Variants in SENP6 observed in about 807,000 individuals in gnomAD.
SENP6 encodes sentrin-specific protease 6.
In SENP6, 41 loss-of-function variants were observed where a neutral mutation model predicts 134.5. The observed-to-expected ratio is 0.30, with a 90% CI of 0.24 to 0.40. SENP6 has a LOEUF of 0.40. Ranked by LOEUF, SENP6 falls within the 10% of genes least tolerant of loss-of-function variation. The pLI, the probability that SENP6 is intolerant of heterozygous loss-of-function variation, is 1.00. For synonymous variants in SENP6, 395 were observed against 429.8 expected (o/e 0.92, Z 1.00); for missense variants, 1,248 against 1,312.5 (o/e 0.95, Z 0.76).
At chr6:75,697,348 T>G in intron 17 of SENP6, 77 bp from the exon 18 acceptor site, 1 of 1,030,562 alleles carries the variant, frequency 9.7e-7, no homozygotes, top group East Asian at 2.5e-5. Context: ...CTGAATCTTC[T>G]TAATTTATAA....
chr6:75,605,195 A>G (rs1456010049), intron 1 of SENP6, among the ~76,000 whole-genome samples: 1 of 152,246 alleles, frequency 6.6e-6, no homozygotes, highest in East Asian at 1.9e-4. Flanking sequence ...TCTACATATT[A>G]CACTTTCTTT....
intron 20 of SENP6, among the ~76,000 whole-genome samples, chr6:75,710,119 G>A (rs1270861776): frequency 6.6e-6 from 1 of 152,016 alleles, no homozygotes; most frequent in Non-Finnish European, 1.5e-5. Context: ...AGAAGCAAAT[G>A]TTTAAACCTT....
chr6:75,671,361 A>G (rs954047061), intron 11 of SENP6, among the ~76,000 whole-genome samples: 1 of 152,172 alleles, frequency 6.6e-6, no homozygotes, highest in Non-Finnish European at 1.5e-5. Context: ...CCTTAACTTG[A>G]TGTCCCTATT....
intron 7 of SENP6, among the ~76,000 whole-genome samples, chr6:75,652,729 A>G (rs1770996092): frequency 6.7e-6 from 1 of 148,984 alleles, no homozygotes; most frequent in Non-Finnish European, 1.5e-5. Context: ...TGCCTTGTGT[A>G]AAGATGGTTA....
chr6:75,610,055 T>C (rs1399609149), intron 1 of SENP6, among the ~76,000 whole-genome samples: 1 of 152,206 alleles, frequency 6.6e-6, no homozygotes, highest in Non-Finnish European at 1.5e-5. Flanking sequence ...CCCAGAGTGC[T>C]GGGATTAGAA....
At chr6:75,641,886 A>C (rs1770056150) in intron 6 of SENP6, among the ~76,000 whole-genome samples, 1 of 151,610 alleles carries the variant, frequency 6.6e-6, no homozygotes, top group African/African-American at 2.4e-5. Flanking sequence ...GCTATTTTTA[A>C]TTTCCAACCA....
chr6:75,617,015 A>G (rs1767900747), intron 1 of SENP6, among the ~76,000 whole-genome samples: 1 of 151,782 alleles, frequency 6.6e-6, no homozygotes, highest in African/African-American at 2.4e-5. Context: ...AGCTGGTACT[A>G]CAGGCACGCA....
chr6:75,602,642 C>T, intron 1 of SENP6, 66 bp downstream of exon 1: 1 of 1,481,020 alleles, frequency 6.8e-7, no homozygotes, highest in Non-Finnish European at 9.2e-7. Flanking sequence ...CCCCCAGAAC[C>T]CCGGATATTC....
chr6:75,639,920 A>G (rs1428442154), intron 5 of SENP6, among the ~76,000 whole-genome samples: 2 of 152,168 alleles, frequency 1.3e-5, no homozygotes, highest in South Asian at 2.1e-4. Context: ...AGGAAATGCT[A>G]TTGTTTCTTG....
At chr6:75,610,811 G>C (rs893835572) in intron 1 of SENP6, 10 of 144,318 alleles carry the variant, frequency 6.9e-5, no homozygotes, top group Non-Finnish European at 1.4e-4. Context: ...TTTTGTTTGG[G>C]GGTGGGGTGA....
At chr6:75,653,034 C>CT (rs1190560320) in intron 7 of SENP6, among the ~76,000 whole-genome samples, 3 of 124,004 alleles carry the variant, frequency 2.4e-5, no homozygotes, top group Admixed American at 7.9e-5. Flanking sequence ...TTTTTCTTTT[C>CT]TTTTTTTTCT....
intron 7 of SENP6, among the ~76,000 whole-genome samples, chr6:75,649,228 T>C (rs995736171): frequency 2.0e-5 from 3 of 151,502 alleles, no homozygotes; most frequent in Admixed American, 2.0e-4. Context: ...GACACAAGAA[T>C]CGCTTGAACC....
intron 21 of SENP6, among the ~76,000 whole-genome samples, chr6:75,713,116 G>A (rs1467645122): frequency 6.6e-6 from 1 of 151,968 alleles, no homozygotes; most frequent in Non-Finnish European, 1.5e-5. Context: ...ATGGGCCGAG[G>A]TTGGGGGGAT....
At chr6:75,612,419 A>G (rs974490753) in intron 1 of SENP6, among the ~76,000 whole-genome samples, 1 of 151,928 alleles carries the variant, frequency 6.6e-6, no homozygotes, top group South Asian at 2.1e-4. Flanking sequence ...GCAGTCTCAA[A>G]CTCCTGGGCT....
intron 16 of SENP6, among the ~76,000 whole-genome samples, chr6:75,682,214 A>C (rs1383527469): frequency 6.6e-6 from 1 of 152,128 alleles, no homozygotes; most frequent in African/African-American, 2.4e-5. Context: ...AAACAACAGA[A>C]CTATAAAATG....
At chr6:75,602,629 T>G in intron 1 of SENP6, 53 bp downstream of exon 1, 1 of 1,531,106 alleles carries the variant, frequency 6.5e-7, no homozygotes, top group Non-Finnish European at 8.9e-7. Flanking sequence ...CTGGAAAACG[T>G]GGCCCCCAGA....
chr6:75,703,160 A>C, intron 19 of SENP6, 88 bp downstream of exon 19: 2 of 1,177,124 alleles, frequency 1.7e-6, no homozygotes, highest in South Asian at 1.5e-5. Flanking sequence ...GTTTTAAAAA[A>C]AAATCAGGTT....
At chr6:75,619,066 A>G (rs918092789) in intron 1 of SENP6, among the ~76,000 whole-genome samples, 2 of 150,320 alleles carry the variant, frequency 1.3e-5, no homozygotes, top group Admixed American at 1.3e-4. Flanking sequence ...GGTATAATAT[A>G]CATAACATAT....
intron 5 of SENP6, among the ~76,000 whole-genome samples, chr6:75,639,830 A>ATTT (rs1234519021): frequency 6.6e-6 from 1 of 151,990 alleles, no homozygotes. Context: ...GCCTTAAAAA[A>ATTT]TTTTTTTTCT....
Sources: gnomAD v4.1 joint callset for allele counts (sites outside exome capture counted in the v4.1 genomes callset) on GRCh38, gnomAD v4.1.1 for gene constraint, MANE v1.5 for transcripts, NCBI Gene and HGNC (gene_info 2026-07-23, HGNC 2026-07-21) for gene names.